Variants in RAB11FIP4 observed in about 807,000 individuals in gnomAD.
The protein encoded by RAB11FIP4 is RAB11 family interacting protein 4, also known as rab11 family-interacting protein 4.
A neutral mutation model predicts 74.3 loss-of-function variants in RAB11FIP4; 23 were observed. The observed-to-expected ratio is 0.31, with a 90% CI of 0.22 to 0.44. RAB11FIP4 has a LOEUF of 0.44. Ranked by LOEUF, RAB11FIP4 falls within the 20% of genes least tolerant of loss-of-function variation. The pLI is 1.00. For missense variants in RAB11FIP4, 630 were observed against 863.9 expected, an observed-to-expected ratio of 0.73 and a Z score of 3.39; for synonymous variants, 360 against 359.9, an observed-to-expected ratio of 1.00 and a Z score of 0.00.
At chr17:31,472,445 A>G (rs2071747131) in intron 3 of RAB11FIP4, among the ~76,000 whole-genome samples, 1 of 152,216 alleles carries the variant, frequency 6.6e-6, no homozygotes, top group African/African-American at 2.4e-5. Flanking sequence ...ACACGGCCAC[A>G]GGCGGCCCCA....
intron 1 of RAB11FIP4, among the ~76,000 whole-genome samples, chr17:31,420,692 CTTATCT>C: frequency 6.6e-6 from 1 of 150,988 alleles, no homozygotes; most frequent in Non-Finnish European, 1.5e-5. Context: ...AATTTCTGCT[CTTATCT>C]TTATTATTTC....
intron 3 of RAB11FIP4, among the ~76,000 whole-genome samples, chr17:31,475,438 A>G (rs2071781728): frequency 1.3e-5 from 2 of 152,240 alleles, no homozygotes; most frequent in Admixed American, 1.3e-4. Context: ...TACTAGTTAC[A>G]GTAAAAAGAT....
chr17:31,410,859 G>A (rs1038567295), intron 1 of RAB11FIP4, among the ~76,000 whole-genome samples: 11 of 152,174 alleles, frequency 7.2e-5, no homozygotes, highest in Middle Eastern at 3.2e-3. Context: ...TCCACCAGCC[G>A]CCCAATCTGG....
intron 3 of RAB11FIP4, among the ~76,000 whole-genome samples, chr17:31,472,371 C>T (rs1472367737): frequency 6.6e-6 from 1 of 152,136 alleles, no homozygotes; most frequent in Non-Finnish European, 1.5e-5. Flanking sequence ...CCGCAGGGAG[C>T]TGGCAGCCAA....
intron 3 of RAB11FIP4, among the ~76,000 whole-genome samples, chr17:31,478,071 C>A (rs2071812189): frequency 6.7e-6 from 1 of 149,680 alleles, no homozygotes; most frequent in South Asian, 2.1e-4. Context: ...CGGCTCACTG[C>A]AACCTCCACC....
At chr17:31,482,086 C>G (rs1025524071) in intron 3 of RAB11FIP4, among the ~76,000 whole-genome samples, 3 of 152,166 alleles carry the variant, frequency 2.0e-5, no homozygotes, top group African/African-American at 7.2e-5. Context: ...ATGTGCTGTC[C>G]AGCTAAAAGC....
intron 1 of RAB11FIP4, among the ~76,000 whole-genome samples, chr17:31,397,539 G>A (rs757379): frequency 0.45 from 68,538 of 152,122 alleles, 18,918 homozygotes; most frequent in Non-Finnish European, 0.61. Context: ...CAGAAGGAAG[G>A]CCCAGGTGCC....
In RAB11FIP4 at chr17:31,533,595, T is replaced by C. The variant is rs999093924; in HGVS notation, c.*1863T>C. ...CTGGGTGTTAGGTCAGAAGGAGTAC[T>C]GGTGCGTGGGGGCCTTACCCCAGGG... is the stretch of plus-strand genomic sequence containing the variant. On this transcript the variant is annotated 3_prime_UTR_variant, in exon 15 of 15. Coordinates refer to ENST00000621161, the MANE Select transcript of RAB11FIP4 (RefSeq NM_032932.6). The C allele has an allele frequency of 6.6e-6, 1 of 152,308 alleles. No individual in the cohort carries two copies. Among genetic ancestry groups the C allele is most frequent in the African/African-American group, 2.4e-5 (1 of 41,466 alleles). The allele number at this position is 152,308 out of a possible 1,614,324, so 9.4% of individuals were successfully genotyped here.
chr17:31,521,490 C>A, intron 5 of RAB11FIP4, 130 bp downstream of exon 5: 2 of 820,986 alleles, frequency 2.4e-6, no homozygotes, highest in Non-Finnish European at 3.7e-6. Flanking sequence ...TTGAGTTCTG[C>A]TCCTGGGGCT....
At chr17:31,478,306 T>C (rs1049271956) in intron 3 of RAB11FIP4, among the ~76,000 whole-genome samples, 2 of 152,204 alleles carry the variant, frequency 1.3e-5, no homozygotes, top group Non-Finnish European at 2.9e-5. Flanking sequence ...TGTAAATACC[T>C]TTAAGATGAA....
At chr17:31,396,373 C>T in intron 1 of RAB11FIP4, among the ~76,000 whole-genome samples, 1 of 152,074 alleles carries the variant, frequency 6.6e-6, no homozygotes, top group East Asian at 1.9e-4. Flanking sequence ...GTCTCCCTAA[C>T]CTCTTTAGGC....
chr17:31,443,953 C>G (rs2071427855), intron 3 of RAB11FIP4, among the ~76,000 whole-genome samples: 1 of 152,148 alleles, frequency 6.6e-6, no homozygotes, highest in Non-Finnish European at 1.5e-5. Flanking sequence ...TTGCTGGGAA[C>G]CCAGACCTGA....
chr17:31,510,095 G>A (rs575770100), intron 3 of RAB11FIP4, among the ~76,000 whole-genome samples: 1 of 152,296 alleles, frequency 6.6e-6, no homozygotes, highest in East Asian at 1.9e-4. Context: ...CATGATGAGA[G>A]CAGCCAAGCC....
At chr17:31,502,536 GCCACTGTA>G (rs1229480711) in intron 3 of RAB11FIP4, among the ~76,000 whole-genome samples, 1 of 152,180 alleles carries the variant, frequency 6.6e-6, no homozygotes, top group East Asian at 1.9e-4. Flanking sequence ...CTGAGATTGT[GCCACTGTA>G]CTCCAGCCTG....
At chr17:31,427,512 C>T (rs1023685068) in intron 1 of RAB11FIP4, among the ~76,000 whole-genome samples, 1 of 152,240 alleles carries the variant, frequency 6.6e-6, no homozygotes, top group Admixed American at 6.5e-5. Flanking sequence ...CCACCAGTGT[C>T]TCCCAGCCTC....
intron 3 of RAB11FIP4, among the ~76,000 whole-genome samples, chr17:31,510,743 C>A (rs1261437594): frequency 6.6e-6 from 1 of 152,144 alleles, no homozygotes; most frequent in Admixed American, 6.5e-5. Flanking sequence ...CCAAAAAAAC[C>A]CAGCCGAGCT....
intron 3 of RAB11FIP4, among the ~76,000 whole-genome samples, chr17:31,435,055 G>A (rs1371372174): frequency 6.6e-6 from 1 of 152,190 alleles, no homozygotes; most frequent in Non-Finnish European, 1.5e-5. Context: ...ATGTGGTGGT[G>A]CACACCTGTA....
chr17:31,489,029 C>G (rs1168515275), intron 3 of RAB11FIP4, among the ~76,000 whole-genome samples: 1 of 152,240 alleles, frequency 6.6e-6, no homozygotes, highest in Non-Finnish European at 1.5e-5. Flanking sequence ...ACCCTGCTCT[C>G]CCACAGAGGG....
At chr17:31,455,535 C>A (rs1168183959) in intron 3 of RAB11FIP4, among the ~76,000 whole-genome samples, 1 of 152,156 alleles carries the variant, frequency 6.6e-6, no homozygotes, top group Non-Finnish European at 1.5e-5. Flanking sequence ...ATATTTGGAT[C>A]CCCTTCAAGT....
Sources: allele counts gnomAD v4.1 joint callset (sites outside exome capture counted in the v4.1 genomes callset), GRCh38; gene constraint gnomAD v4.1.1; transcripts MANE v1.5; gene names NCBI Gene and HGNC (gene_info 2026-07-23, HGNC 2026-07-21).